F8: variants seen among roughly 807,000 people sequenced by gnomAD.
The protein encoded by F8 is coagulation factor VIII.
Under a neutral mutation model 140.6 loss-of-function variants are expected in F8, and 12 were observed. The ratio of observed to expected loss-of-function variants is 0.09; its 90% CI spans 0.05 to 0.14. F8 has a LOEUF of 0.14. Ranked by LOEUF, F8 falls within the 10% of genes least tolerant of loss-of-function variation. The probability of loss-of-function intolerance (pLI) is 1.00; values close to 1 mark genes in which losing one functional copy is unlikely to be tolerated. For missense variants in F8, 1,354 were observed against 1,720.7 expected, an observed-to-expected ratio of 0.79 and a Z score of 3.77; for synonymous variants, 585 against 614.6, an observed-to-expected ratio of 0.95 and a Z score of 0.71.
chrX:154,902,511 C>T (rs1252271357), intron 18 of F8, among the ~76,000 whole-genome samples: 2 of 111,675 alleles, frequency 1.8e-5, no homozygotes, highest in Non-Finnish European at 3.8e-5. Flanking sequence ...CTCTGTGAAA[C>T]AGATAAGTCA....
intron 14 of F8, among the ~76,000 whole-genome samples, chrX:154,911,144 A>C (rs1226785503): frequency 9.2e-6 from 1 of 108,294 alleles, no homozygotes; most frequent in Non-Finnish European, 1.9e-5. Context: ...GAACTGAGAG[A>C]CCAGTGCCGG....
Position 154,921,514 on chromosome X carries a change from C to A in F8, c.5219+7057G>T, listed in dbSNP as rs201344236. On this transcript the variant is annotated intron_variant, in intron 14 of 25. Transcript: ENST00000360256. ...GAACTAGAAATGCCATTTGACCCAG[C>A]CATCCCATTACTGGGTATATACCCA... Among the ~76,000 whole-genome samples the A allele has an allele frequency of 1.3e-4, 14 of 111,908 alleles. No individual in the cohort carries two copies. In the East Asian group the frequency reaches 3.9e-3, roughly 31 times the overall value.
intron 12 of F8, among the ~76,000 whole-genome samples, chrX:154,952,629 G>A (rs782286394): frequency 3.7e-5 from 4 of 107,072 alleles, no homozygotes; most frequent in South Asian, 4.2e-4. Context: ...TGCAGTCTCC[G>A]CCTTCCGGGT....
At chrX:154,979,894 T>C (rs2073508751) in intron 6 of F8, among the ~76,000 whole-genome samples, 1 of 111,614 alleles carries the variant, frequency 9.0e-6, no homozygotes, top group Admixed American at 9.5e-5. Context: ...CAACTCCCTA[T>C]GCTAGTCTCT....
intron 1 of F8, among the ~76,000 whole-genome samples, chrX:155,005,110 G>T (rs1206214133): frequency 9.0e-6 from 1 of 111,433 alleles, no homozygotes; most frequent in East Asian, 2.8e-4. Flanking sequence ...GAATATGTCC[G>T]CCAGTGGACA....
At chrX:154,993,881 T>C (rs1557284877) in intron 3 of F8, among the ~76,000 whole-genome samples, 1 of 112,187 alleles carries the variant, frequency 8.9e-6, no homozygotes, top group East Asian at 2.8e-4. Context: ...GTGGGGGACA[T>C]AGACATATAA....
chrX:154,916,770 T>C (rs1356882599), intron 14 of F8, among the ~76,000 whole-genome samples: 1 of 111,130 alleles, frequency 9.0e-6, no homozygotes. Context: ...TTTCATATTG[T>C]TTTCTTTTTC....
intron 14 of F8, among the ~76,000 whole-genome samples, chrX:154,923,215 C>A (rs1049076139): frequency 1.8e-5 from 2 of 111,594 alleles, no homozygotes; most frequent in Non-Finnish European, 3.8e-5. Context: ...GAAAATATAG[C>A]CAAATAACAT....
chrX:154,982,092 G>A (rs1198779575), intron 6 of F8, among the ~76,000 whole-genome samples: 1 of 110,435 alleles, frequency 9.1e-6, no homozygotes, highest in Admixed American at 9.7e-5. Flanking sequence ...GCTGGGGCAG[G>A]AGAATCGCTT....
In F8 at chrX:154,917,425, C is replaced by A. The variant is rs781833653; in HGVS notation, c.5220-10852G>T. Among the ~76,000 whole-genome samples the A allele has an allele frequency of 3.0e-4, 33 of 111,457 alleles. No homozygotes were observed. The South Asian group carries it at 4.5e-3, about 15-fold the overall frequency. ...TAATTATTGTATGCCTTGGGGTAGTCTTATTTGGGTTGAATCTGTTTGGTG... is the reference window on the plus strand; with the variant it reads ...TAATTATTGTATGCCTTGGGGTAGTATTATTTGGGTTGAATCTGTTTGGTG... On this transcript the variant is annotated intron_variant, in intron 14 of 25. Transcript: ENST00000360256.
intron 14 of F8, among the ~76,000 whole-genome samples, chrX:154,926,012 G>T (rs1557278046): frequency 2.7e-5 from 3 of 112,182 alleles, no homozygotes; most frequent in Non-Finnish European, 5.6e-5. Flanking sequence ...GGAGGTAACT[G>T]AATCATGGCA....
At chrX:154,966,989 G>A (rs782225278) in intron 7 of F8, among the ~76,000 whole-genome samples, 1 of 110,593 alleles carries the variant, frequency 9.0e-6, no homozygotes, top group African/African-American at 3.3e-5. Context: ...AAGCCATGAG[G>A]GATTCACCCC....
chrX:155,022,689 G>A lies in F8; in HGVS notation c.-137C>T. On this transcript the variant is annotated 5_prime_UTR_variant, in exon 1 of 26. Coordinates refer to ENST00000360256, the MANE Select transcript of F8 (RefSeq NM_000132.4). ...CCAATTTCTTTGCAGAGCATTTTAA[G>A]GAACTTTACCCACTGGATGTGCTCA... The A allele has an allele frequency of 8.7e-7, 1 of 1,146,118 alleles. No individual in the cohort carries two copies. The highest frequency in any genetic ancestry group is 3.3e-5 in the East Asian group (1 of 30,738). The allele number at this position is 1,146,118 out of a possible 1,213,427, so 94.5% of individuals were successfully genotyped here. A position where few individuals can be genotyped will look rare whatever the true frequency, so the allele number is the denominator to read the frequency against.
intron 11 of F8, among the ~76,000 whole-genome samples, chrX:154,956,499 C>T (rs782455966): frequency 1.8e-5 from 2 of 112,102 alleles, no homozygotes; most frequent in African/African-American, 6.5e-5. Context: ...TAAATGTCCA[C>T]GAAATCTTCA....
intron 25 of F8, among the ~76,000 whole-genome samples, chrX:154,848,864 G>A (rs1395561627): frequency 9.0e-6 from 1 of 111,502 alleles, no homozygotes; most frequent in Admixed American, 9.5e-5. Context: ...GAAATCACCT[G>A]TCTTCTGTGT....
intron 13 of F8, among the ~76,000 whole-genome samples, chrX:154,943,942 G>C (rs1240244425): frequency 3.6e-5 from 4 of 111,754 alleles, no homozygotes; most frequent in Non-Finnish European, 7.5e-5. Flanking sequence ...TTAATAAATG[G>C]TGCTGGGAAA....
chrX:154,974,477 G>A (rs959741960), intron 6 of F8, among the ~76,000 whole-genome samples: 4 of 111,821 alleles, frequency 3.6e-5, no homozygotes, highest in Admixed American at 9.5e-5. Flanking sequence ...CCTGATCATG[G>A]TAAATGATCT....
chrX:154,991,175 G>T (rs1557284628), intron 4 of F8, among the ~76,000 whole-genome samples: 2 of 112,029 alleles, frequency 1.8e-5, no homozygotes, highest in African/African-American at 6.5e-5. Context: ...AGAGAATGGT[G>T]GAAAAGAGGA....
chrX:154,914,985 T>C (rs2073088140), intron 14 of F8, among the ~76,000 whole-genome samples: 1 of 111,964 alleles, frequency 8.9e-6, no homozygotes, highest in Non-Finnish European at 1.9e-5. Flanking sequence ...GGGTAATCTA[T>C]AAAGGAAAGA....
Sources: gnomAD v4.1 joint callset for allele counts (sites outside exome capture counted in the v4.1 genomes callset) on GRCh38, gnomAD v4.1.1 for gene constraint, MANE v1.5 for transcripts, NCBI Gene and HGNC (gene_info 2026-07-23, HGNC 2026-07-21) for gene names.